The following RTN3 variants were observed in gnomAD, a reference collection of about 807,000 sequenced individuals.
The protein encoded by RTN3 is reticulon 3.
A neutral mutation model predicts 77.8 loss-of-function variants in RTN3; 49 were observed. The observed-to-expected ratio is 0.63, with a 90% CI of 0.50 to 0.80. RTN3 has a LOEUF of 0.80. RTN3 is among the 30% of genes least tolerant of loss of function. The pLI, the probability that RTN3 is intolerant of heterozygous loss-of-function variation, is 0.00. For synonymous variants in RTN3, 464 were observed against 446.9 expected, an observed-to-expected ratio of 1.04 and a Z score of -0.48; for missense variants, 1,236 against 1,211.9, an observed-to-expected ratio of 1.02 and a Z score of -0.29.
chr11:63,728,419 TC>T (rs2012431638), intron 3 of RTN3, among the ~76,000 whole-genome samples: 1 of 152,132 alleles, frequency 6.6e-6, no homozygotes. Flanking sequence ...AGCAGAATAT[TC>T]AAAGGGCTCA....
chr11:63,738,588 G>A (rs546791786), intron 3 of RTN3, among the ~76,000 whole-genome samples: 1 of 149,854 alleles, frequency 6.7e-6, no homozygotes, highest in South Asian at 2.1e-4. Flanking sequence ...GCTACAGTGA[G>A]CTGTAGTCAC....
intron 1 of RTN3, among the ~76,000 whole-genome samples, chr11:63,683,939 C>CTT (rs1335277856): frequency 1.3e-5 from 1 of 79,426 alleles, no homozygotes; most frequent in Non-Finnish European, 2.6e-5. Context: ...CTTTTCTTTT[C>CTT]TTTCTTTTTT....
intron 3 of RTN3, among the ~76,000 whole-genome samples, chr11:63,725,587 T>C (rs2012199701): frequency 6.6e-6 from 1 of 152,136 alleles, no homozygotes; most frequent in African/African-American, 2.4e-5. Flanking sequence ...TAGCTGGGAC[T>C]ACAGGCGCCT....
At chr11:63,698,617 C>G (rs942401631) in intron 1 of RTN3, 1 of 169,686 alleles carries the variant, frequency 5.9e-6, no homozygotes, top group Non-Finnish European at 1.4e-5. Flanking sequence ...GATCAAGTGG[C>G]CAATCTCAGC....
intron 3 of RTN3, among the ~76,000 whole-genome samples, chr11:63,749,271 G>A (rs941631433): frequency 4.6e-5 from 7 of 152,010 alleles, no homozygotes; most frequent in African/African-American, 1.7e-4. Flanking sequence ...AGAGTGAGAC[G>A]CTGTCTCAAA....
chr11:63,739,280 A>G (rs894983715), intron 3 of RTN3, among the ~76,000 whole-genome samples: 19 of 152,212 alleles, frequency 1.2e-4, no homozygotes, highest in Non-Finnish European at 4.4e-5. Context: ...AAGTGATATG[A>G]TATTAAAGAT....
intron 3 of RTN3, among the ~76,000 whole-genome samples, chr11:63,736,705 T>C (rs1343435843): frequency 6.6e-6 from 1 of 152,130 alleles, no homozygotes; most frequent in Non-Finnish European, 1.5e-5. Context: ...AAAAAATAAG[T>C]ATCCAAATGG....
chr11:63,719,862 C>G lies in RTN3; in HGVS notation c.1360C>G (p.Pro454Ala). Residue 454 changes from proline (P) to alanine (A), a missense_variant, in exon 3 of 9, where the codon CCA (proline) becomes GCA (alanine). By Grantham distance (27) the Pro-to-Ala change is conservative. Transcript: ENST00000377819. ...DDTLAELPGS[P>A]PEKCDSLGSG... is the part of the protein sequence containing the mutation. Reference sequence around the variant, plus strand: ...CACACTTGCAGAATTACCTGGATCTCCACCTGAGAAATGTGACTCTTTGGG... The same window carrying G: ...CACACTTGCAGAATTACCTGGATCTGCACCTGAGAAATGTGACTCTTTGGG... 2 of 1,614,050 alleles carry G rather than the reference C, an allele frequency of 1.2e-6. No homozygotes were observed. Among genetic ancestry groups the G allele is most frequent in the African/African-American group, 2.7e-5 (2 of 75,004 alleles).
chr11:63,696,410 A>G (rs1941941872), intron 1 of RTN3, among the ~76,000 whole-genome samples: 1 of 151,796 alleles, frequency 6.6e-6, no homozygotes, highest in African/African-American at 2.4e-5. Context: ...AGGAAAAAAA[A>G]AGAATATTGT....
chr11:63,746,901 A>T (rs767497336), intron 3 of RTN3: 6 of 447,796 alleles, frequency 1.3e-5, no homozygotes, highest in South Asian at 9.4e-5. Context: ...AAATTTTGTC[A>T]GTTGTACCAA....
intron 1 of RTN3, among the ~76,000 whole-genome samples, chr11:63,702,521 G>A (rs572245021): frequency 7.7e-4 from 116 of 150,988 alleles, no homozygotes; most frequent in Non-Finnish European, 1.4e-3. Context: ...TCACCATGTT[G>A]GCCAGGCTGG....
Position 63,719,464 on chromosome 11 carries a change from C to G in RTN3, c.962C>G (p.Ala321Gly), listed in dbSNP as rs1252229269. Residue 321 changes from alanine (A) to glycine (G), a missense_variant, in exon 3 of 9, where the codon GCA becomes GGA. This residue lies in a region of RTN3 where 1,056 missense variants were observed against 990.4 expected (regional missense o/e 1.07). Coordinates refer to ENST00000377819, the MANE Select transcript of RTN3 (RefSeq NM_001265589.2). The part of the protein sequence containing the change: ...LSRQFSHTNA[A>G]LEEVSRCVND... ...AGGCAGTTTTCACACACAAATGCAG[C>G]ACTGGAAGAGGTGTCCAGATGCGTG... 1.9e-6 allele frequency: 3 copies of G among 1,614,124 alleles called. No homozygotes were observed. The highest frequency in any genetic ancestry group is 8.5e-7 in the Non-Finnish European group (1 of 1,180,006).
intron 3 of RTN3, among the ~76,000 whole-genome samples, chr11:63,721,968 G>A (rs1049755824): frequency 9.9e-5 from 15 of 151,924 alleles, no homozygotes; most frequent in African/African-American, 3.6e-4. Flanking sequence ...ATATTCTTCA[G>A]GCCAAAACTC....
intron 3 of RTN3, among the ~76,000 whole-genome samples, chr11:63,740,702 G>T (rs1005109684): frequency 6.6e-6 from 1 of 151,862 alleles, no homozygotes; most frequent in African/African-American, 2.4e-5. Flanking sequence ...AAAGTGCTGG[G>T]ATTACAGTCA....
chr11:63,698,072 C>T lies in RTN3; in HGVS notation c.143-6779C>T, dbSNP rs1040742766. Among the ~76,000 whole-genome samples, 53 of 151,980 alleles carry T rather than the reference C, an allele frequency of 3.5e-4. 1 individual carries two copies. Among genetic ancestry groups the T allele is most frequent in the Admixed American group, 1.4e-3 (22 of 15,248 alleles). On this transcript the variant is annotated intron_variant, in intron 1 of 8. Transcript: ENST00000377819. ...AGTCTTCAGTGTCTGTTCCCTCCCC[C>T]TCTACCACTCTCATTTTAGTCATCA...
At chr11:63,748,661 C>CTTTTTTT (rs561644667) in intron 3 of RTN3, among the ~76,000 whole-genome samples, 4 of 105,926 alleles carry the variant, frequency 3.8e-5, no homozygotes, top group African/African-American at 1.5e-4. Context: ...GCCCCACTCA[C>CTTTTTTT]TTTTTTTTTT....
chr11:63,682,836 AG>A (rs1276002889), intron 1 of RTN3, among the ~76,000 whole-genome samples: 1 of 151,982 alleles, frequency 6.6e-6, no homozygotes, highest in Non-Finnish European at 1.5e-5. Context: ...TGCCTTCTTA[AG>A]GGGGGAAAAA....
At chr11:63,748,062 C>T (rs2013898205) in intron 3 of RTN3, among the ~76,000 whole-genome samples, 1 of 151,714 alleles carries the variant, frequency 6.6e-6, no homozygotes, top group Admixed American at 6.6e-5. Context: ...CCTGTAATCC[C>T]AGCACTTTGG....
At chr11:63,696,498 A>G (rs1941945653) in intron 1 of RTN3, among the ~76,000 whole-genome samples, 1 of 150,914 alleles carries the variant, frequency 6.6e-6, no homozygotes, top group South Asian at 2.1e-4. Context: ...GCTTGAGCCC[A>G]GGAGTTCAAG....
Sources: gnomAD v4.1 joint callset for allele counts (sites outside exome capture counted in the v4.1 genomes callset) on GRCh38, gnomAD v4.1.1 for gene constraint, gnomAD v4.1.1 regional missense constraint, MANE v1.5 for transcripts, NCBI Gene and HGNC (gene_info 2026-07-23, HGNC 2026-07-21) for gene names.